Variants in ITM2B observed in about 807,000 individuals in gnomAD.
The protein encoded by ITM2B is integral membrane protein 2B.
ITM2B carries 11 observed loss-of-function variants against 27.8 expected under a neutral mutation model. The ratio of observed to expected loss-of-function variants is 0.40; its 90% CI spans 0.25 to 0.66. The LOEUF is 0.66. Ranked by LOEUF, ITM2B falls within the 30% of genes least tolerant of loss-of-function variation. ITM2B has a pLI of 0.43. For synonymous variants in ITM2B, 114 were observed against 114.3 expected, an observed-to-expected ratio of 1.00 and a Z score of 0.02; for missense variants, 296 against 328.9, an observed-to-expected ratio of 0.90 and a Z score of 0.77.
chr13:48,235,591 T>C (rs958061454), intron 1 of ITM2B, among the ~76,000 whole-genome samples: 1 of 152,228 alleles, frequency 6.6e-6, no homozygotes, highest in Non-Finnish European at 1.5e-5. Context: ...TGACAGACTT[T>C]TGTGAAAGAA....
intron 1 of ITM2B, among the ~76,000 whole-genome samples, chr13:48,240,786 C>T (rs1951695697): frequency 6.6e-6 from 1 of 152,166 alleles, no homozygotes; most frequent in South Asian, 2.1e-4. Context: ...ATTGTAGCAT[C>T]ATTGTATACA....
At chr13:48,259,984 G>A (rs1951812378) in intron 5 of ITM2B, among the ~76,000 whole-genome samples, 1 of 152,014 alleles carries the variant, frequency 6.6e-6, no homozygotes, top group South Asian at 2.1e-4. Context: ...TTCTCCTAAT[G>A]TTATCCCTCC....
chr13:48,233,580 G>C (rs942412967), intron 1 of ITM2B, 103 bp downstream of exon 1: 12 of 650,078 alleles, frequency 1.8e-5, no homozygotes, highest in Non-Finnish European at 2.9e-5. Context: ...CGCGGGGCTC[G>C]CGCCGCGGGG....
rs988124852 is a variant in ITM2B, at chr13:48,262,697, C to T, written c.*1473C>T. ...TATATCTGCAAAGAAGAAAAAAAGC[C>T]ACTGCCGTCGTGGAGACTCACAATC... On this transcript the variant is annotated 3_prime_UTR_variant, in exon 6 of 6. Transcript: ENST00000647800. The T allele has an allele frequency of 6.6e-6, 1 of 152,056 alleles. No individual in the cohort carries two copies. Among genetic ancestry groups the T allele is most frequent in the African/African-American group, 2.4e-5 (1 of 41,388 alleles). 9.4% of individuals were successfully genotyped at this position (152,056 alleles called of 1,614,324 possible). A position where few individuals can be genotyped will look rare whatever the true frequency, so the allele number is the denominator to read the frequency against.
At chr13:48,258,764 A>G (rs1339727591) in intron 4 of ITM2B, 33 bp from the exon 5 acceptor site, 9 of 1,604,306 alleles carry the variant, frequency 5.6e-6, no homozygotes, top group Non-Finnish European at 7.7e-6. Flanking sequence ...ATGTTCTGAG[A>G]TAGTCATGTC....
intron 1 of ITM2B, among the ~76,000 whole-genome samples, chr13:48,247,295 A>G (rs1167283449): frequency 6.6e-6 from 1 of 152,036 alleles, no homozygotes; most frequent in Non-Finnish European, 1.5e-5. Flanking sequence ...AACTAAATCT[A>G]TTTCTGAAGG....
chr13:48,261,346 A>C lies in ITM2B; in HGVS notation c.*122A>C. 3 of 722,236 alleles carry C rather than the reference A, an allele frequency of 4.2e-6. No individual in the cohort carries two copies. The East Asian group carries it at 7.8e-5, about 19-fold the overall frequency. The allele number at this position is 722,236 out of a possible 1,614,324, so 44.7% of individuals were successfully genotyped here. ...TGTAAGTAGCAAACAGGGCTTTACT[A>C]TCTTTTCATCTCATTAATTCAATTA... is the stretch of plus-strand genomic sequence containing the variant. On this transcript the variant is annotated 3_prime_UTR_variant, in exon 6 of 6. Transcript: ENST00000647800.
At position 48,265,535 on chromosome 13, in the gene ITM2B, TCA is replaced by T. The variant is rs1207540737; in HGVS notation, c.*4315_*4316del. The stretch of plus-strand genomic sequence containing the variant: ...AAACACGAACTTGATGGTTTCATTG[TCA>T]CACCCCAGCTTAAAACACTTTCCTG... On this transcript the variant is annotated 3_prime_UTR_variant, in exon 6 of 6. Transcript: ENST00000647800. The T allele has an allele frequency of 6.6e-6, 1 of 152,558 alleles. No homozygotes were observed. The highest frequency in any genetic ancestry group is 1.5e-5 in the Non-Finnish European group (1 of 68,290). The allele number at this position is 152,558 out of a possible 1,614,324, so 9.5% of individuals were successfully genotyped here.
In ITM2B at chr13:48,270,117, C is replaced by T. The variant is rs886821373; in HGVS notation, c.*8893C>T. 2.6e-5 allele frequency: 4 copies of T among 152,188 alleles called. No individual in the cohort carries two copies. The highest frequency in any genetic ancestry group is 4.4e-5 in the Non-Finnish European group (3 of 68,038). The allele number at this position is 152,188 out of a possible 1,614,324, so 9.4% of individuals were successfully genotyped here. On this transcript the variant is annotated 3_prime_UTR_variant, in exon 6 of 6. Coordinates refer to ENST00000647800, the MANE Select transcript of ITM2B (RefSeq NM_021999.5). The stretch of plus-strand genomic sequence containing the variant: ...CCTTTAACCCTATCATATTGCTGCC[C>T]AGTGAGCAATATGGTCATTGGTCAA...
At chr13:48,249,052 A>G (rs1219219678) in intron 1 of ITM2B, among the ~76,000 whole-genome samples, 2 of 152,184 alleles carry the variant, frequency 1.3e-5, no homozygotes, top group Non-Finnish European at 2.9e-5. Context: ...TATGTGTACA[A>G]TTTGATTGAA....
At chr13:48,248,803 G>C (rs1951737492) in intron 1 of ITM2B, among the ~76,000 whole-genome samples, 1 of 152,226 alleles carries the variant, frequency 6.6e-6, no homozygotes, top group African/African-American at 2.4e-5. Context: ...CACGGCCATG[G>C]GCCACGGGTT....
intron 1 of ITM2B, among the ~76,000 whole-genome samples, chr13:48,250,645 T>G (rs1284066455): frequency 6.6e-6 from 1 of 152,044 alleles, no homozygotes; most frequent in African/African-American, 2.4e-5. Flanking sequence ...CTAAGTTTTA[T>G]TCACTCATCA....
intron 5 of ITM2B, among the ~76,000 whole-genome samples, chr13:48,260,184 T>C (rs926129340): frequency 6.6e-6 from 1 of 152,216 alleles, no homozygotes. Flanking sequence ...GAACTCATCC[T>C]TTTTTATGGC....
rs184115316 is a variant in ITM2B at position 48,264,046 on chromosome 13, C to T, written c.*2822C>T. 2 of 152,010 alleles carry T rather than the reference C, an allele frequency of 1.3e-5. No individual in the cohort carries two copies. The highest frequency in any genetic ancestry group is 4.8e-5 in the African/African-American group (2 of 41,456). The allele number at this position is 152,010 out of a possible 1,614,324, so 9.4% of individuals were successfully genotyped here. On this transcript the variant is annotated 3_prime_UTR_variant, in exon 6 of 6. Coordinates refer to ENST00000647800, the MANE Select transcript of ITM2B (RefSeq NM_021999.5). ...ATTGCATTGGTTTAAAAAAAAAGTA[C>T]AGAAGTCAAGATGAGACTATATAAA...
At chr13:48,255,419 G>A (rs900714446) in intron 2 of ITM2B, among the ~76,000 whole-genome samples, 1 of 151,970 alleles carries the variant, frequency 6.6e-6, no homozygotes, top group African/African-American at 2.4e-5. Context: ...AACCTCCCCA[G>A]GAGTAGCTAG....
chr13:48,256,173 A>G lies in ITM2B; in HGVS notation c.247-4A>G, dbSNP rs764153376. ...GCTGAAATGAGTCTTTAAACTCTCT[A>G]TAGCCAGATGACGTGTACTACTGTG... On this transcript the variant is annotated splice_region_variant and splice_polypyrimidine_tract_variant and intron_variant, in intron 2 of 5. Coordinates refer to ENST00000647800, the MANE Select transcript of ITM2B (RefSeq NM_021999.5). 11 of 1,607,170 alleles carry G rather than the reference A, an allele frequency of 6.8e-6. No individual in the cohort carries two copies. The South Asian group carries it at 1.2e-4, about 18-fold the overall frequency.
intron 5 of ITM2B, 131 bp from the exon 6 acceptor site, chr13:48,261,008 C>G (rs1951818463): frequency 4.5e-6 from 3 of 670,220 alleles, no homozygotes; most frequent in Non-Finnish European, 2.6e-6. Context: ...TGTAAACATT[C>G]AAACTGTAGA....
At position 48,233,488 on chromosome 13, in the gene ITM2B, G is replaced by A; in HGVS notation, c.117+11G>A. 2 of 1,503,676 alleles carry A rather than the reference G, an allele frequency of 1.3e-6. No homozygotes were observed. Among genetic ancestry groups the A allele is most frequent in the Non-Finnish European group, 1.8e-6 (2 of 1,121,938 alleles). 93.1% of individuals were successfully genotyped at this position (1,503,676 alleles called of 1,614,324 possible). A position where few individuals can be genotyped will look rare whatever the true frequency, so the allele number is the denominator to read the frequency against. On this transcript the variant is annotated intron_variant, in intron 1 of 5. Transcript: ENST00000647800. The stretch of plus-strand genomic sequence containing the variant: ...GCGGTGGACTGCAAGGTCCGAGCCC[G>A]GGGAGGTCGAGGAAGCGGGTGCTGG...
At chr13:48,259,193 A>G (rs780755645) in intron 5 of ITM2B, among the ~76,000 whole-genome samples, 3 of 152,194 alleles carry the variant, frequency 2.0e-5, no homozygotes, top group East Asian at 1.9e-4. Flanking sequence ...CTCATTTTCC[A>G]TCTAGTTAGT....
Sources: allele counts gnomAD v4.1 joint callset (sites outside exome capture counted in the v4.1 genomes callset), GRCh38; gene constraint gnomAD v4.1.1; transcripts MANE v1.5; gene names NCBI Gene and HGNC (gene_info 2026-07-23, HGNC 2026-07-21).